CIT: variants seen among roughly 807,000 people sequenced by gnomAD.
The protein encoded by CIT is citron Rho-interacting kinase.
Under a neutral mutation model 272.7 loss-of-function variants are expected in CIT, and 79 were observed. That is an observed-to-expected ratio of 0.29 (90% CI 0.24 to 0.35). The LOEUF (loss-of-function observed/expected upper bound fraction) is 0.35, where lower values mean the gene tolerates loss of function less well. CIT is among the 10% of genes least tolerant of loss of function. The pLI is 1.00. For synonymous variants in CIT, 948 were observed against 995.6 expected (o/e 0.95, Z 0.90); for missense variants, 1,909 against 2,618.3 (o/e 0.73, Z 5.91).
In CIT at chr12:119,752,557, T is replaced by A. The variant is rs186342788; in HGVS notation, c.2707-310A>T. On this transcript the variant is annotated intron_variant, in intron 22 of 47. Transcript: ENST00000392521. ...CAAGAATCACTAATGAAAATGATGA[T>A]GATTACTCTTATTAGAAAAACATTT... 2.0e-5 allele frequency among the ~76,000 whole-genome samples: 3 copies of A among 152,346 alleles called. No individual in the cohort carries two copies. In the East Asian group the frequency reaches 5.8e-4, roughly 29 times the overall value.
intron 28 of CIT, among the ~76,000 whole-genome samples, chr12:119,724,893 T>C (rs902948757): frequency 8.2e-6 from 1 of 121,970 alleles, no homozygotes; most frequent in Admixed American, 1.2e-4. Flanking sequence ...CCGAGATCAC[T>C]GCACTCCAGT....
chr12:119,758,476 G>T, intron 21 of CIT, 115 bp downstream of exon 21: 2 of 708,034 alleles, frequency 2.8e-6, no homozygotes, highest in Non-Finnish European at 5.1e-6. Flanking sequence ...GCTGGGCTGA[G>T]CTACAGAAGT....
chr12:119,748,342 G>A (rs1055606171), intron 23 of CIT, among the ~76,000 whole-genome samples: 1 of 152,186 alleles, frequency 6.6e-6, no homozygotes, highest in Non-Finnish European at 1.5e-5. Context: ...TAATTTTCAG[G>A]AAAGTTACAA....
chr12:119,712,067 G>A lies in CIT; in HGVS notation c.4854+111C>T, dbSNP rs1489503009. 12 of 1,062,050 alleles carry A rather than the reference G, an allele frequency of 1.1e-5. No individual in the cohort carries two copies. Among genetic ancestry groups the A allele is most frequent in the African/African-American group, 1.6e-5 (1 of 62,834 alleles). The allele number at this position is 1,062,050 out of a possible 1,614,324, so 65.8% of individuals were successfully genotyped here. On this transcript the variant is annotated intron_variant, in intron 37 of 47. Coordinates refer to ENST00000392521, the MANE Select transcript of CIT (RefSeq NM_001206999.2). This position sits in a 1 kb window ranked among gnomAD's most constrained non-coding sequence, Gnocchi z 5.2. ...CAGTCTAGAGCCATCAGCCCTCAGAGAGAGAGCCTGAGGGGAATCAAAATG... is the reference window on the plus strand; with the variant it reads ...CAGTCTAGAGCCATCAGCCCTCAGAAAGAGAGCCTGAGGGGAATCAAAATG...
chr12:119,859,768 C>A (rs915676808), intron 3 of CIT, among the ~76,000 whole-genome samples: 2 of 151,774 alleles, frequency 1.3e-5, no homozygotes, highest in Non-Finnish European at 2.9e-5. Context: ...GAGCAGAGAT[C>A]GTACCACTGC....
rs1950884167 is a variant in CIT at position 119,877,249 on chromosome 12, G to A, written c.-14C>T. 1 of 152,206 alleles carries A rather than the reference G, an allele frequency of 6.6e-6. No homozygotes were observed. Among genetic ancestry groups the A allele is most frequent in the African/African-American group, 2.4e-5 (1 of 41,444 alleles). 9.4% of individuals were successfully genotyped at this position (152,206 alleles called of 1,614,324 possible). ...ATTGGGTCTGGGGGATCAGACTCACGCTCTGCGAACCCCCAGGTCTGCGAT... is the reference window on the plus strand; with the variant it reads ...ATTGGGTCTGGGGGATCAGACTCACACTCTGCGAACCCCCAGGTCTGCGAT... On this transcript the variant is annotated splice_region_variant and 5_prime_UTR_variant, in exon 1 of 48. Coordinates refer to ENST00000392521, the MANE Select transcript of CIT (RefSeq NM_001206999.2).
Position 119,757,531 on chromosome 12 carries a change from T to C in CIT, c.2546A>G (p.Glu849Gly). 6.2e-7 allele frequency: 1 copy of C among 1,610,464 alleles called. No individual in the cohort carries two copies. The highest frequency in any genetic ancestry group is 1.4e-5 in the African/African-American group (1 of 74,016). Residue 849 changes from glutamate to glycine, a missense_variant, in exon 22 of 48, where the codon GAG (glutamate) becomes GGG (glycine). Physicochemically the swap from Glu to Gly is moderately conservative, Grantham distance 98. Around this residue, in one of 8 missense-constraint regions of CIT, gnomAD observed 530 missense variants for 822.4 expected, o/e 0.64. Transcript: ENST00000392521. The stretch of plus-strand genomic sequence containing the variant: ...CTGTTGCCTGAGTTCAGAAATCATC[T>C]CTTCTTGGGCCTTCCTGGTGGGGGT... ...FTQRNMKAQE[E>G]MISELRQQKF... is the part of the protein sequence containing the mutation.
At chr12:119,720,078 G>A (rs186008114) in intron 30 of CIT, among the ~76,000 whole-genome samples, 5 of 152,196 alleles carry the variant, frequency 3.3e-5, no homozygotes, top group Admixed American at 2.6e-4. Flanking sequence ...TCTGGAGTGT[G>A]GTACGAGAGA....
At chr12:119,847,606 A>C (rs1207338623) in intron 5 of CIT, among the ~76,000 whole-genome samples, 2 of 139,040 alleles carry the variant, frequency 1.4e-5, no homozygotes, top group East Asian at 4.4e-4. Flanking sequence ...AAAAAAATGA[A>C]AAGAAAAGGC....
chr12:119,701,941 C>A lies in CIT; in HGVS notation c.5322G>T (p.Glu1774Asp). The A allele has an allele frequency of 6.2e-7, 1 of 1,613,236 alleles. No homozygotes were observed. The highest frequency in any genetic ancestry group is 8.5e-7 in the Non-Finnish European group (1 of 1,179,274). The change falls in exon 42 of 48, where the codon GAG (glutamate) becomes GAT (aspartate). Residue 1774 changes from glutamate (E) to aspartate (D), a missense_variant. Physicochemically the swap from Glu to Asp is conservative, Grantham distance 45 (BLOSUM62 2). Coordinates refer to ENST00000392521, the MANE Select transcript of CIT (RefSeq NM_001206999.2). ...TGGTGAAGTGGATACAGCTGCAGGG[C>A]TCTGAGGTCTCTATCTCCTGAGACA... ...YCIRKEIETSEPCSCIHFTNY... is the reference protein window; with the variant it reads ...YCIRKEIETSDPCSCIHFTNY...
rs1175470368 is a variant in CIT at position 119,718,668 on chromosome 12, C to T, written c.4003+31G>A. On this transcript the variant is annotated intron_variant, in intron 31 of 47. Transcript: ENST00000392521. This position sits in a 1 kb window ranked among gnomAD's most constrained non-coding sequence, Gnocchi z 4.8. The stretch of plus-strand genomic sequence containing the variant: ...ATCAATCCTCTGCCTTTTCCACATC[C>T]TTGAGCATTTTGGAGAGAGTGAGCC... 2.5e-6 allele frequency: 4 copies of T among 1,611,850 alleles called. No homozygotes were observed. Among genetic ancestry groups the T allele is most frequent in the African/African-American group, 1.3e-5 (1 of 74,958 alleles).
rs935917084 is a variant in CIT at position 119,798,753 on chromosome 12, T to C, written c.1295+4453A>G. 5.3e-5 allele frequency among the ~76,000 whole-genome samples: 8 copies of C among 152,352 alleles called. No homozygotes were observed. The East Asian group carries it at 1.3e-3, about 26-fold the overall frequency. Reference sequence around the variant, plus strand: ...GCCTTGCCTTGAGATCACAGTCTACTTGGGGGAATGGACAGACATTCCAAG... The same window carrying C: ...GCCTTGCCTTGAGATCACAGTCTACCTGGGGGAATGGACAGACATTCCAAG... On this transcript the variant is annotated intron_variant, in intron 10 of 47. Transcript: ENST00000392521.
chr12:119,731,345 G>C (rs1460363571), intron 26 of CIT, among the ~76,000 whole-genome samples: 1 of 150,722 alleles, frequency 6.6e-6, no homozygotes, highest in Non-Finnish European at 1.5e-5. Context: ...GCATAGTGGC[G>C]CATGCCTGTA....
intron 20 of CIT, 61 bp from the exon 21 acceptor site, chr12:119,758,761 G>A (rs1013398798): frequency 2.2e-5 from 24 of 1,111,572 alleles, no homozygotes; most frequent in African/African-American, 7.7e-5. Flanking sequence ...GGGGCAGTGC[G>A]GGCCAGGGTA....
intron 4 of CIT, among the ~76,000 whole-genome samples, chr12:119,854,053 T>G (rs1206407495): frequency 2.7e-5 from 4 of 149,062 alleles, no homozygotes; most frequent in African/African-American, 7.5e-5. Flanking sequence ...TGAGACGGAG[T>G]GTTCGCTCTT....
At chr12:119,807,258 T>C (rs1212323421) in intron 9 of CIT, among the ~76,000 whole-genome samples, 1 of 152,050 alleles carries the variant, frequency 6.6e-6, no homozygotes, top group Admixed American at 6.6e-5. Context: ...AAAGACAGAA[T>C]GAGAAGATCC....
intron 22 of CIT, among the ~76,000 whole-genome samples, chr12:119,755,010 C>A (rs940616452): frequency 6.6e-6 from 1 of 152,150 alleles, no homozygotes; most frequent in African/African-American, 2.4e-5. Flanking sequence ...CGTGATCTTG[C>A]TGTTAAACTT....
At chr12:119,869,021 T>C (rs777682769) in intron 3 of CIT, 39 bp downstream of exon 3, 20 of 1,605,390 alleles carry the variant, frequency 1.2e-5, no homozygotes, top group Non-Finnish European at 1.6e-5. Context: ...AGTTTTTCTC[T>C]CTCAGGACAG....
intron 23 of CIT, among the ~76,000 whole-genome samples, chr12:119,747,783 TA>T (rs1288356525): frequency 1.3e-5 from 2 of 152,216 alleles, no homozygotes; most frequent in African/African-American, 4.8e-5. Flanking sequence ...TTATTTCTTT[TA>T]AAATAACACT....
Sources: allele counts gnomAD v4.1 joint callset (sites outside exome capture counted in the v4.1 genomes callset), GRCh38; gene constraint gnomAD v4.1.1; regional missense constraint gnomAD v4.1.1; non-coding constraint Gnocchi (gnomAD v3.1); transcripts MANE v1.5; gene names NCBI Gene and HGNC (gene_info 2026-07-23, HGNC 2026-07-21).